Variants in COG3 observed in about 807,000 individuals in gnomAD.
COG3 encodes component of oligomeric golgi complex 3.
Under a neutral mutation model 114.1 loss-of-function variants are expected in COG3, and 32 were observed. The ratio of observed to expected loss-of-function variants is 0.28; its 90% CI spans 0.21 to 0.38. The LOEUF (loss-of-function observed/expected upper bound fraction) is 0.38, where lower values mean the gene tolerates loss of function less well. COG3 is among the 10% of genes least tolerant of loss of function. The pLI is 1.00. For synonymous variants in COG3, 352 were observed against 365.7 expected (o/e 0.96, Z 0.43); for missense variants, 813 against 973.2 (o/e 0.84, Z 2.19).
In COG3 at chr13:45,518,895, T is replaced by A. The variant is rs374257462; in HGVS notation, c.2019+45T>A. On this transcript the variant is annotated intron_variant, in intron 18 of 22. Coordinates refer to ENST00000349995, the MANE Select transcript of COG3 (RefSeq NM_031431.4). ...ATTGGTGGTGGGAGATAAACGACAT[T>A]CTTTACATGTCTGGTGATTTCTAGG... 3.1e-5 allele frequency: 50 copies of A among 1,610,598 alleles called. No individual in the cohort carries two copies. In the African/African-American group the frequency reaches 6.5e-4, roughly 21 times the overall value.
At chr13:45,529,728 A>G in intron 20 of COG3, 63 bp from the exon 21 acceptor site, 1 of 1,316,326 alleles carries the variant, frequency 7.6e-7, no homozygotes, top group South Asian at 1.4e-5. Context: ...TCCCCTTTGA[A>G]TTAAAATGGA....
chr13:45,488,746 A>G (rs368355726), intron 8 of COG3, among the ~76,000 whole-genome samples: 2 of 152,208 alleles, frequency 1.3e-5, no homozygotes, highest in African/African-American at 4.8e-5. Context: ...GCAAAGATCA[A>G]TATATGTTAT....
chr13:45,486,318 CGGGAGACGGGAGACGGGAGACGGGAGA>C (rs1230695212), intron 7 of COG3, among the ~76,000 whole-genome samples, 150 bp from the exon 8 acceptor site: 7 of 36,930 alleles, frequency 1.9e-4, no homozygotes, highest in African/African-American at 7.5e-4. Context: ...AGACGGGAGA[CGGGAGACGGGAGACGGGAGACGGGAGA>C]GGGAGAGGGA....
intron 8 of COG3, among the ~76,000 whole-genome samples, chr13:45,490,026 T>C (rs1886926651): frequency 6.6e-6 from 1 of 152,086 alleles, no homozygotes; most frequent in African/African-American, 2.4e-5. Context: ...TGCTAAATAT[T>C]TGAAAAAATA....
intron 1 of COG3, among the ~76,000 whole-genome samples, chr13:45,472,146 C>T (rs1199958073): frequency 3.3e-5 from 5 of 152,166 alleles, no homozygotes; most frequent in Admixed American, 2.6e-4. Context: ...AGATGTCGCT[C>T]TATTGTCTTC....
intron 1 of COG3, among the ~76,000 whole-genome samples, chr13:45,474,151 C>CTTTTTTTTTTTTT (rs10558884): frequency 1.3e-4 from 11 of 82,010 alleles, no homozygotes; most frequent in South Asian, 4.7e-4. Flanking sequence ...CTTTTTTACT[C>CTTTTTTTTTTTTT]TTTTTTTTTT....
Position 45,530,034 on chromosome 13 carries a change from A to T in COG3, c.2358+116A>T, listed in dbSNP as rs1008061178. The stretch of plus-strand genomic sequence containing the variant: ...GAAATGTTGGTATACTGTTCTAGTG[A>T]AGTTGAATAATCACTATGATTCATG... On this transcript the variant is annotated intron_variant, in intron 21 of 22. Transcript: ENST00000349995. 43 of 1,120,246 alleles carry T rather than the reference A, an allele frequency of 3.8e-5. No individual in the cohort carries two copies. In the African/African-American group the frequency reaches 6.3e-4, roughly 16 times the overall value. The allele number at this position is 1,120,246 out of a possible 1,614,324, so 69.4% of individuals were successfully genotyped here. A position where few individuals can be genotyped will look rare whatever the true frequency, so the allele number is the denominator to read the frequency against.
chr13:45,474,151 C>CTTTTTTT lies in COG3; in HGVS notation c.175-2032_175-2026dup, dbSNP rs10558884. On this transcript the variant is annotated intron_variant, in intron 1 of 22. Transcript: ENST00000349995. Reference sequence around the variant, plus strand: ...CCACATCTTTGTTTTCTTTTTTACTCTTTTTTTTTTTTTTTTTTTTTTTTG... The same window carrying CTTTTTTT: ...CCACATCTTTGTTTTCTTTTTTACTCTTTTTTTTTTTTTTTTTTTTTTTTTTTTTTTG... 1.0e-3 allele frequency among the ~76,000 whole-genome samples: 86 copies of CTTTTTTT among 81,976 alleles called. 6 individuals are homozygous for CTTTTTTT. Among genetic ancestry groups the CTTTTTTT allele is most frequent in the African/African-American group, 3.4e-3 (68 of 20,190 alleles). The allele number at this position is 81,976 out of a possible 152,430, so 53.8% of individuals were successfully genotyped here.
chr13:45,476,569 A>G (rs1885877488), intron 2 of COG3, among the ~76,000 whole-genome samples: 1 of 152,190 alleles, frequency 6.6e-6, no homozygotes, highest in Non-Finnish European at 1.5e-5. Flanking sequence ...ATGAGATTCC[A>G]TGTTTGGACG....
rs372163505 is a variant in COG3, at chr13:45,486,595, T to G, written c.924+20T>G. The G allele has an allele frequency of 7.0e-6, 10 of 1,430,276 alleles. No individual in the cohort carries two copies. Among genetic ancestry groups the G allele is most frequent in the South Asian group, 5.7e-5 (5 of 87,358 alleles). 88.6% of individuals were successfully genotyped at this position (1,430,276 alleles called of 1,614,324 possible). On this transcript the variant is annotated intron_variant, in intron 8 of 22. Transcript: ENST00000349995. ...GTCAGAGTAAGTCTATTGACATAACTAGGACATTGCTATGAAATTTGTTCA... is the reference window on the plus strand; with the variant it reads ...GTCAGAGTAAGTCTATTGACATAACGAGGACATTGCTATGAAATTTGTTCA...
chr13:45,472,471 TATC>T (rs1885581545), intron 1 of COG3, among the ~76,000 whole-genome samples: 1 of 152,218 alleles, frequency 6.6e-6, no homozygotes, highest in African/African-American at 2.4e-5. Context: ...TGTAATTTGA[TATC>T]ATCATATAAT....
chr13:45,495,576 A>G lies in COG3; in HGVS notation c.1328-576A>G, dbSNP rs555333952. On this transcript the variant is annotated intron_variant, in intron 12 of 22. Coordinates refer to ENST00000349995, the MANE Select transcript of COG3 (RefSeq NM_031431.4). The stretch of plus-strand genomic sequence containing the variant: ...ATTTTTATGGAGATGGAGTTTTGCC[A>G]TGTTGCTCAGGTTGGCTGATCTTGA... 5.9e-4 allele frequency among the ~76,000 whole-genome samples: 90 copies of G among 151,660 alleles called. 1 individual carries two copies. Among genetic ancestry groups the G allele is most frequent in the Middle Eastern group, 3.4e-3 (1 of 292 alleles).
chr13:45,494,859 C>T (rs1593705998), intron 12 of COG3, among the ~76,000 whole-genome samples: 3 of 74,766 alleles, frequency 4.0e-5, no homozygotes, highest in Admixed American at 2.0e-4. Context: ...CTTTTTTTCT[C>T]TTTTCTTTTT....
chr13:45,492,237 A>T lies in COG3; in HGVS notation c.1174A>T (p.Thr392Ser). ...QLYNEFFTKP[T>S]SKLDELLEKL... ...TTACAATGAATTTTTCACAAAACCA[A>T]CATCAAAATTAGAGTAGGTGGACAT... The change falls in exon 11 of 23, where the codon ACA becomes TCA. Residue 392 changes from threonine to serine, a missense_variant. Around this residue, in one of 2 missense-constraint regions of COG3, gnomAD observed 389 missense variants for 542.6 expected, o/e 0.72. Coordinates refer to ENST00000349995, the MANE Select transcript of COG3 (RefSeq NM_031431.4). 6.2e-7 allele frequency: 1 copy of T among 1,602,032 alleles called. No individual in the cohort carries two copies. Among genetic ancestry groups the T allele is most frequent in the East Asian group, 2.3e-5 (1 of 44,324 alleles).
At chr13:45,467,858 ATTAC>A (rs1312320868) in intron 1 of COG3, among the ~76,000 whole-genome samples, 3 of 152,228 alleles carry the variant, frequency 2.0e-5, no homozygotes, top group Admixed American at 6.5e-5. Context: ...CACGAGATAA[ATTAC>A]TTCCTGAACA....
At chr13:45,465,267 G>T in intron 1 of COG3, 57 bp downstream of exon 1, 17 of 1,585,654 alleles carry the variant, frequency 1.1e-5, no homozygotes, top group Non-Finnish European at 1.2e-5. Flanking sequence ...CTCCTCGGGC[G>T]CCCCGGCAGG....
At chr13:45,493,269 A>C in intron 11 of COG3, 78 bp from the exon 12 acceptor site, 1 of 1,188,128 alleles carries the variant, frequency 8.4e-7, no homozygotes, top group Non-Finnish European at 1.2e-6. Flanking sequence ...GACTGGAAGA[A>C]ATCAATGAGG....
At position 45,491,517 on chromosome 13, in the gene COG3, T is replaced by G. The variant is rs1475356749; in HGVS notation, c.1074T>G (p.Asn358Lys). 3 of 1,612,456 alleles carry G rather than the reference T, an allele frequency of 1.9e-6. No homozygotes were observed. The Admixed American group carries it at 5.0e-5, about 27-fold the overall frequency. ...ACTVAELTSQ[N>K]NRDHCALVRS... ...CTGTTGCAGAGTTAACCAGCCAAAA[T>G]AATAGAGATCACTGTGCCTTGGTAA... is the stretch of plus-strand genomic sequence containing the variant. Residue 358 changes from asparagine (N) to lysine (K), a missense_variant, in exon 10 of 23, where the codon AAT (asparagine) becomes AAG (lysine). Around this residue, in one of 2 missense-constraint regions of COG3, gnomAD observed 424 missense variants for 430.6 expected, o/e 0.98. Transcript: ENST00000349995.
intron 1 of COG3, among the ~76,000 whole-genome samples, chr13:45,468,721 C>T (rs1228456077): frequency 2.0e-5 from 3 of 152,204 alleles, no homozygotes; most frequent in Admixed American, 2.0e-4. Flanking sequence ...GTTAGTGTCT[C>T]CATTTGCATA....
Sources: gnomAD v4.1 joint callset for allele counts (sites outside exome capture counted in the v4.1 genomes callset) on GRCh38, gnomAD v4.1.1 for gene constraint, gnomAD v4.1.1 regional missense constraint, MANE v1.5 for transcripts, NCBI Gene and HGNC (gene_info 2026-07-23, HGNC 2026-07-21) for gene names.